The following ITK variants were observed in gnomAD, a reference collection of about 807,000 sequenced individuals.
ITK encodes the protein tyrosine-protein kinase ITK/TSK.
ITK carries 45 observed loss-of-function variants against 87.6 expected under a neutral mutation model. That is an observed-to-expected ratio of 0.51 (90% CI 0.40 to 0.66). ITK has a LOEUF of 0.66. ITK is among the 30% of genes least tolerant of loss of function. The probability of loss-of-function intolerance (pLI) is 0.00; values close to 1 mark genes in which losing one functional copy is unlikely to be tolerated. For synonymous variants in ITK, 303 were observed against 273.6 expected (o/e 1.11, Z -1.06); for missense variants, 605 against 766.3 (o/e 0.79, Z 2.48).
chr5:157,246,586 T>A (rs535891840), intron 15 of ITK, among the ~76,000 whole-genome samples: 2 of 152,242 alleles, frequency 1.3e-5, no homozygotes, highest in South Asian at 4.1e-4. Context: ...AGCCAGGCAA[T>A]CATAAGTAGG....
At chr5:157,187,727 C>T (rs1753674159) in intron 1 of ITK, among the ~76,000 whole-genome samples, 1 of 152,146 alleles carries the variant, frequency 6.6e-6, no homozygotes, top group Non-Finnish European at 1.5e-5. Flanking sequence ...TTAAGCAACT[C>T]TTTTCTCCTT....
intron 1 of ITK, among the ~76,000 whole-genome samples, chr5:157,201,575 G>C (rs1753975592): frequency 1.3e-5 from 2 of 151,954 alleles, no homozygotes. Flanking sequence ...GGGATTACAG[G>C]CATGAGCCAC....
At chr5:157,246,099 T>G (rs1755015838) in intron 15 of ITK, 100 bp downstream of exon 15, 1 of 863,928 alleles carries the variant, frequency 1.2e-6, no homozygotes, top group Non-Finnish European at 2.0e-6. Context: ...GAACCCTGTA[T>G]CATATCATGA....
chr5:157,196,259 C>T (rs1271499040), intron 1 of ITK, among the ~76,000 whole-genome samples: 1 of 152,168 alleles, frequency 6.6e-6, no homozygotes, highest in African/African-American at 2.4e-5. Flanking sequence ...TTACTCTCTA[C>T]AGAAGTTGTA....
chr5:157,243,159 A>C (rs1754947772), intron 11 of ITK, among the ~76,000 whole-genome samples: 1 of 152,206 alleles, frequency 6.6e-6, no homozygotes, highest in Non-Finnish European at 1.5e-5. Context: ...TGTGCCAGAC[A>C]CTGTGCTAGC....
intron 16 of ITK, among the ~76,000 whole-genome samples, chr5:157,250,473 C>T (rs564730106): frequency 6.0e-5 from 9 of 150,650 alleles, no homozygotes; most frequent in African/African-American, 1.9e-4. Context: ...CAAAGGAAAT[C>T]TTGGTTGTTT....
intron 1 of ITK, among the ~76,000 whole-genome samples, chr5:157,191,240 T>C (rs1184759363): frequency 6.6e-6 from 1 of 152,062 alleles, no homozygotes; most frequent in Non-Finnish European, 1.5e-5. Flanking sequence ...TGGTCTTATG[T>C]TTTAACTTTT....
At position 157,254,991 on chromosome 5, in the gene ITK, G is replaced by A. The variant is rs1355808732; in HGVS notation, c.*2313G>A. On this transcript the variant is annotated 3_prime_UTR_variant, in exon 17 of 17. Transcript: ENST00000422843. ...AGAGTTTTGGTTCTAGTTTTATTTCGTAGATTTTGCATTTTGTACCTTTTG... is the reference window on the plus strand; with the variant it reads ...AGAGTTTTGGTTCTAGTTTTATTTCATAGATTTTGCATTTTGTACCTTTTG... 2.4e-5 allele frequency: 5 copies of A among 208,118 alleles called. No homozygotes were observed. Among genetic ancestry groups the A allele is most frequent in the South Asian group, 1.9e-4 (1 of 5,314 alleles). The allele number at this position is 208,118 out of a possible 1,614,324, so 12.9% of individuals were successfully genotyped here.
In ITK at chr5:157,211,358, C is replaced by A; in HGVS notation, c.315C>A (p.Ala105=). ...DRESRQRWVL[A]LKEETRNNNS... ...AGAGCCGGCAGCGCTGGGTGCTGGC[C>A]CTTAAAGAAGGTAATTAAACTCCTT... Residue 105 remains alanine, a synonymous_variant, in exon 3 of 17, where the codon GCC becomes GCA. Coordinates refer to ENST00000422843, the MANE Select transcript of ITK (RefSeq NM_005546.4). 6.2e-7 allele frequency: 1 copy of A among 1,613,232 alleles called. No individual in the cohort carries two copies. Among genetic ancestry groups the A allele is most frequent in the South Asian group, 1.1e-5 (1 of 91,040 alleles).
chr5:157,248,704 TAA>T, intron 15 of ITK, 144 bp from the exon 16 acceptor site: 1 of 890,862 alleles, frequency 1.1e-6, no homozygotes, highest in South Asian at 1.4e-5. Flanking sequence ...AGGACAGGCC[TAA>T]TAAGCCTCAG....
At chr5:157,235,155 T>A (rs1253702312) in intron 8 of ITK, among the ~76,000 whole-genome samples, 1 of 152,178 alleles carries the variant, frequency 6.6e-6, no homozygotes, top group African/African-American at 2.4e-5. Flanking sequence ...GTTTTTAAAC[T>A]AACAACTCCA....
At chr5:157,218,646 T>C (rs533808586) in intron 5 of ITK, among the ~76,000 whole-genome samples, 8 of 152,316 alleles carry the variant, frequency 5.3e-5, no homozygotes, top group Admixed American at 2.6e-4. Context: ...ATCCGTTCTA[T>C]CCACTTCAGA....
chr5:157,233,879 T>A (rs1442914033), intron 8 of ITK, among the ~76,000 whole-genome samples: 1 of 139,260 alleles, frequency 7.2e-6, no homozygotes, highest in Non-Finnish European at 1.5e-5. Context: ...AGGTGCTAAG[T>A]GCTAAGTACA....
chr5:157,214,978 CTCAGG>C (rs1754270375), intron 4 of ITK, among the ~76,000 whole-genome samples: 1 of 152,152 alleles, frequency 6.6e-6, no homozygotes, highest in South Asian at 2.1e-4. Flanking sequence ...ACAGTAAAGG[CTCAGG>C]TCCAGGGGAT....
At chr5:157,240,491 G>A (rs968068546) in intron 10 of ITK, 8 of 468,382 alleles carry the variant, frequency 1.7e-5, no homozygotes, top group African/African-American at 1.2e-4. Flanking sequence ...AAAGGTTGGG[G>A]ACTGCTGCTC....
intron 4 of ITK, 137 bp from the exon 5 acceptor site, chr5:157,217,730 A>T: frequency 1.4e-6 from 1 of 736,326 alleles, no homozygotes. Flanking sequence ...ACTGTGTCTT[A>T]TTGCTCCTTC....
chr5:157,188,291 A>G (rs72807040), intron 1 of ITK, among the ~76,000 whole-genome samples: 3,268 of 152,224 alleles, frequency 0.021, 57 homozygotes, highest in African/African-American at 0.045. Flanking sequence ...ATCAGATACT[A>G]CTTTCTACCT....
chr5:157,231,845 C>G (rs948728078), intron 7 of ITK, among the ~76,000 whole-genome samples: 1 of 152,190 alleles, frequency 6.6e-6, no homozygotes, highest in Middle Eastern at 3.2e-3. Flanking sequence ...GAGGAAAATA[C>G]TACAGTTGTT....
In ITK at chr5:157,248,912, G is replaced by A; in HGVS notation, c.1696G>A (p.Glu566Lys). The change falls in exon 16 of 17, where the codon GAG (glutamate) becomes AAG (lysine). Residue 566 changes from glutamate to lysine, a missense_variant. This residue lies in a region of ITK where 70 missense variants were observed against 122.5 expected (regional missense o/e 0.57). Transcript: ENST00000422843. Reference protein sequence around the residue: ...KIPYENRSNSEVVEDISTGFR... With the variant: ...KIPYENRSNSKVVEDISTGFR... ...CCCGTATGAAAACCGAAGCAACTCA[G>A]AGGTGGTGGAAGACATCAGTACCGG... 6.2e-7 allele frequency: 1 copy of A among 1,613,966 alleles called. No homozygotes were observed. The highest frequency in any genetic ancestry group is 1.7e-4 in the Middle Eastern group (1 of 6,056).
Sources: allele counts gnomAD v4.1 joint callset (sites outside exome capture counted in the v4.1 genomes callset), GRCh38; gene constraint gnomAD v4.1.1; regional missense constraint gnomAD v4.1.1; transcripts MANE v1.5; gene names NCBI Gene and HGNC (gene_info 2026-07-23, HGNC 2026-07-21).